Variants in ARSJ observed in about 807,000 individuals in gnomAD.
ARSJ encodes arylsulfatase family member J.
A neutral mutation model predicts 35.9 loss-of-function variants in ARSJ; 26 were observed. That is an observed-to-expected ratio of 0.72 (90% CI 0.53 to 1.00). The LOEUF (loss-of-function observed/expected upper bound fraction) is 1.00, where lower values mean the gene tolerates loss of function less well. Ranked by LOEUF, ARSJ falls within the 50% of genes least tolerant of loss-of-function variation. The pLI, the probability that ARSJ is intolerant of heterozygous loss-of-function variation, is 0.00. For synonymous variants in ARSJ, 294 were observed against 267.6 expected (o/e 1.10, Z -0.96); for missense variants, 667 against 723.6 (o/e 0.92, Z 0.90).
At chr4:113,907,424 T>C (rs2099669085) in intron 1 of ARSJ, among the ~76,000 whole-genome samples, 1 of 152,202 alleles carries the variant, frequency 6.6e-6, no homozygotes, top group Non-Finnish European at 1.5e-5. Context: ...GGCTGCCTAT[T>C]ATTCTTTTTC....
intron 1 of ARSJ, among the ~76,000 whole-genome samples, chr4:113,912,354 A>G (rs997457743): frequency 3.9e-5 from 6 of 152,206 alleles, no homozygotes; most frequent in Middle Eastern, 3.2e-3. Flanking sequence ...CACAGCATCA[A>G]CTGGATTTGG....
intron 1 of ARSJ, among the ~76,000 whole-genome samples, chr4:113,965,579 C>T (rs1045704278): frequency 6.6e-6 from 1 of 151,846 alleles, no homozygotes; most frequent in Non-Finnish European, 1.5e-5. Context: ...TAGATATACA[C>T]ATATATAGAG....
chr4:113,974,353 T>C (rs1423273814), intron 1 of ARSJ, among the ~76,000 whole-genome samples: 1 of 150,966 alleles, frequency 6.6e-6, no homozygotes. Flanking sequence ...CTAAAAAACA[T>C]ACACTAAAAA....
chr4:113,910,744 G>C lies in ARSJ; in HGVS notation c.399-7069C>G, dbSNP rs561133058. ...AATCTCATGAATAAGTGAATTAATT[G>C]CTTGTTTAACACTCCTTCTCCTACA... On this transcript the variant is annotated intron_variant, in intron 1 of 1. Transcript: ENST00000315366. Among the ~76,000 whole-genome samples the C allele has an allele frequency of 4.6e-5, 7 of 152,212 alleles. No homozygotes were observed. In the East Asian group the frequency reaches 1.4e-3, roughly 29 times the overall value.
intron 1 of ARSJ, among the ~76,000 whole-genome samples, chr4:113,920,881 C>T (rs554229750): frequency 5.3e-5 from 8 of 152,118 alleles, no homozygotes; most frequent in South Asian, 4.2e-4. Flanking sequence ...TTCATATTCT[C>T]GAACAATTTA....
chr4:113,927,886 A>G (rs894073804), intron 1 of ARSJ, among the ~76,000 whole-genome samples: 2 of 152,018 alleles, frequency 1.3e-5, no homozygotes, highest in African/African-American at 4.8e-5. Flanking sequence ...TTGACTCACT[A>G]TTTTTCTAGG....
At chr4:113,923,564 G>T (rs1723816754) in intron 1 of ARSJ, among the ~76,000 whole-genome samples, 1 of 152,054 alleles carries the variant, frequency 6.6e-6, no homozygotes. Flanking sequence ...AAACAGGAAA[G>T]ATTTTGTTCT....
At chr4:113,950,956 G>T (rs1380267163) in intron 1 of ARSJ, among the ~76,000 whole-genome samples, 1 of 152,006 alleles carries the variant, frequency 6.6e-6, no homozygotes, top group Non-Finnish European at 1.5e-5. Flanking sequence ...CACTGCCCAA[G>T]ACTAAGAATT....
intron 1 of ARSJ, among the ~76,000 whole-genome samples, chr4:113,950,790 T>C (rs1265958971): frequency 6.6e-6 from 1 of 152,088 alleles, no homozygotes; most frequent in Non-Finnish European, 1.5e-5. Flanking sequence ...TATGCTTTCC[T>C]GATTATACCG....
intron 1 of ARSJ, among the ~76,000 whole-genome samples, chr4:113,951,483 CT>C (rs1725861839): frequency 6.6e-6 from 1 of 151,996 alleles, no homozygotes. Context: ...GGACTACTCC[CT>C]TTCTTGATCT....
At position 113,921,176 on chromosome 4, in the gene ARSJ, C is replaced by G. The variant is rs907952010; in HGVS notation, c.399-17501G>C. 1.3e-5 allele frequency among the ~76,000 whole-genome samples: 2 copies of G among 151,558 alleles called. 1 individual carries two copies. Among genetic ancestry groups the G allele is most frequent in the Non-Finnish European group, 2.9e-5 (2 of 67,924 alleles). ...ATAGCTAAAAATTATAAGCTTCAAA[C>G]TTAAATAAAAGTATGGCCCATAAAA... On this transcript the variant is annotated intron_variant, in intron 1 of 1. Transcript: ENST00000315366.
chr4:113,945,275 T>C (rs1474695395), intron 1 of ARSJ, among the ~76,000 whole-genome samples: 1 of 152,158 alleles, frequency 6.6e-6, no homozygotes, highest in Admixed American at 6.6e-5. Flanking sequence ...GCTGGGACTA[T>C]AGGTGTGTGC....
At chr4:113,922,037 C>T (rs1053407816) in intron 1 of ARSJ, among the ~76,000 whole-genome samples, 1 of 152,152 alleles carries the variant, frequency 6.6e-6, no homozygotes, top group Non-Finnish European at 1.5e-5. Flanking sequence ...CTTCCCCATA[C>T]AAATGTGAAA....
rs1045734463 is a variant in ARSJ at position 113,902,055 on chromosome 4, CT to C, written c.*218del. 2 of 1,412,484 alleles carry C rather than the reference CT, an allele frequency of 1.4e-6. No homozygotes were observed. Among genetic ancestry groups the C allele is most frequent in the Admixed American group, 2.2e-5 (1 of 45,644 alleles). 87.5% of individuals were successfully genotyped at this position (1,412,484 alleles called of 1,614,324 possible). On this transcript the variant is annotated 3_prime_UTR_variant, in exon 2 of 2. Transcript: ENST00000315366. Reference sequence around the variant, plus strand: ...GGAGCAAGAGAAATAAACATCTCCACTCTCTCTAAGTGTGGCTTGCAAGAGT... The same window carrying C: ...GGAGCAAGAGAAATAAACATCTCCACCTCTCTAAGTGTGGCTTGCAAGAGT...
intron 1 of ARSJ, among the ~76,000 whole-genome samples, chr4:113,975,858 A>G (rs948417548): frequency 3.3e-5 from 5 of 152,130 alleles, no homozygotes; most frequent in Non-Finnish European, 7.4e-5. Flanking sequence ...TGATTTCTAG[A>G]CTCAACCCCG....
chr4:113,961,424 G>A (rs747626374), intron 1 of ARSJ, among the ~76,000 whole-genome samples: 4 of 152,074 alleles, frequency 2.6e-5, no homozygotes, highest in Non-Finnish European at 4.4e-5. Flanking sequence ...GAGGTTGGAC[G>A]TTTTGATTTC....
intron 1 of ARSJ, among the ~76,000 whole-genome samples, chr4:113,950,703 T>C (rs1168237484): frequency 2.0e-5 from 3 of 152,080 alleles, no homozygotes; most frequent in Admixed American, 1.3e-4. Context: ...ATATTACACA[T>C]CAGCCCCTTA....
At chr4:113,969,653 A>G (rs1727118709) in intron 1 of ARSJ, among the ~76,000 whole-genome samples, 1 of 152,160 alleles carries the variant, frequency 6.6e-6, no homozygotes, top group Non-Finnish European at 1.5e-5. Context: ...TCTCAGAAAT[A>G]TCAAAAAATG....
chr4:113,901,931 G>T lies in ARSJ; in HGVS notation c.*343C>A. The T allele has an allele frequency of 7.8e-6, 2 of 256,282 alleles. No individual in the cohort carries two copies. The highest frequency in any genetic ancestry group is 8.8e-5 in the East Asian group (1 of 11,330). The allele number at this position is 256,282 out of a possible 1,614,324, so 15.9% of individuals were successfully genotyped here. A position where few individuals can be genotyped will look rare whatever the true frequency, so the allele number is the denominator to read the frequency against. On this transcript the variant is annotated 3_prime_UTR_variant, in exon 2 of 2. Transcript: ENST00000315366. ...ACTTCCATCAAATTAGCATGCTTGC[G>T]GATGGTAGGTTATTGTTCTCCTCCT...
Sources: allele counts gnomAD v4.1 joint callset (sites outside exome capture counted in the v4.1 genomes callset), GRCh38; gene constraint gnomAD v4.1.1; transcripts MANE v1.5; gene names NCBI Gene and HGNC (gene_info 2026-07-23, HGNC 2026-07-21).